Variants in CCDC178 observed in about 807,000 individuals in gnomAD.
The protein encoded by CCDC178 is coiled-coil domain containing 178.
CCDC178 carries 126 observed loss-of-function variants against 117.4 expected under a neutral mutation model. The observed-to-expected ratio is 1.07, with a 90% CI of 0.93 to 1.24. The LOEUF (loss-of-function observed/expected upper bound fraction) is 1.24. Ranked by LOEUF, CCDC178 falls within the 50% of genes most tolerant of loss-of-function variation. The probability of loss-of-function intolerance (pLI) is 0.00; values close to 1 mark genes in which losing one functional copy is unlikely to be tolerated. For missense variants in CCDC178, 1,030 were observed against 986.9 expected (o/e 1.04, Z -0.59); for synonymous variants, 283 against 313.4 (o/e 0.90, Z 1.02).
intron 22 of CCDC178, among the ~76,000 whole-genome samples, chr18:32,955,824 T>A (rs2054582465): frequency 6.6e-6 from 1 of 152,184 alleles, no homozygotes; most frequent in South Asian, 2.1e-4. Context: ...TTAGGTCAAC[T>A]GGAATTTGTA....
intron 12 of CCDC178, among the ~76,000 whole-genome samples, chr18:33,270,270 A>C (rs909400260): frequency 6.6e-6 from 1 of 151,784 alleles, no homozygotes; most frequent in East Asian, 1.9e-4. Flanking sequence ...CAATATACAT[A>C]CAAAAGTAAA....
chr18:33,375,044 T>C (rs369277759), intron 5 of CCDC178, among the ~76,000 whole-genome samples: 1 of 152,140 alleles, frequency 6.6e-6, no homozygotes, highest in Admixed American at 6.5e-5. Flanking sequence ...GTTAAATGGA[T>C]GTGTGTGTTT....
chr18:33,230,623 A>T (rs4600534), intron 15 of CCDC178, among the ~76,000 whole-genome samples: 24,672 of 151,926 alleles, frequency 0.16, 2,760 homozygotes, highest in African/African-American at 0.32. Flanking sequence ...GTTATTTTTT[A>T]AAAAAAATCT....
intron 14 of CCDC178, among the ~76,000 whole-genome samples, chr18:33,260,419 T>C (rs185940917): frequency 3.9e-3 from 583 of 151,294 alleles, no homozygotes; most frequent in Middle Eastern, 6.9e-3. Context: ...GCTTTTTCTA[T>C]AATTTTTAAT....
chr18:33,243,219 A>C (rs904566150), intron 15 of CCDC178, among the ~76,000 whole-genome samples: 4 of 151,910 alleles, frequency 2.6e-5, no homozygotes, highest in Admixed American at 1.3e-4. Context: ...ACAAAAGTAA[A>C]AAGTAGAACA....
chr18:33,317,283 G>T (rs896238627), intron 11 of CCDC178, among the ~76,000 whole-genome samples: 5 of 151,970 alleles, frequency 3.3e-5, no homozygotes, highest in Admixed American at 6.6e-5. Context: ...AACAACTCCA[G>T]ACGTGTGGCC....
intron 20 of CCDC178, among the ~76,000 whole-genome samples, chr18:33,130,843 CTG>C (rs995070175): frequency 1.3e-5 from 2 of 151,948 alleles, no homozygotes; most frequent in East Asian, 3.8e-4. Context: ...TCTAGACAAA[CTG>C]TGTATTTCCT....
At chr18:33,071,817 C>T (rs1227952792) in intron 21 of CCDC178, among the ~76,000 whole-genome samples, 3 of 152,058 alleles carry the variant, frequency 2.0e-5, no homozygotes, top group Non-Finnish European at 4.4e-5. Flanking sequence ...ATCATCCAGT[C>T]AACTGCTATT....
chr18:33,066,652 G>A (rs1438737159), intron 21 of CCDC178, among the ~76,000 whole-genome samples: 2 of 152,176 alleles, frequency 1.3e-5, no homozygotes, highest in African/African-American at 2.4e-5. Flanking sequence ...GTGAAGGGAT[G>A]GAAAAAGGTA....
At position 33,293,244 on chromosome 18, in the gene CCDC178, T is replaced by C. The variant is rs535152579; in HGVS notation, c.1091A>G (p.Asn364Ser). The C allele has an allele frequency of 4.5e-6, 7 of 1,567,054 alleles. No homozygotes were observed. In the South Asian group the frequency reaches 6.8e-5, roughly 15 times the overall value. ...CACTTCCTCTTCCTTCTCCTCAATATTAGTATTAACATTTATCACTGATGA... is the reference window on the plus strand; with the variant it reads ...CACTTCCTCTTCCTTCTCCTCAATACTAGTATTAACATTTATCACTGATGA... ...YSSSVINVNT[N>S]IEEKEEEVTE... The change falls in exon 12 of 23, where the codon AAT becomes AGT. Residue 364 changes from asparagine (N) to serine (S), a missense_variant. Physicochemically the swap from Asn to Ser is conservative, Grantham distance 46. Coordinates refer to ENST00000383096, the MANE Select transcript of CCDC178 (RefSeq NM_001105528.4).
intron 20 of CCDC178, among the ~76,000 whole-genome samples, chr18:33,103,064 T>G (rs1412115430): frequency 2.0e-5 from 3 of 151,812 alleles, no homozygotes; most frequent in Admixed American, 1.3e-4. Context: ...CGTGCTGTAT[T>G]AGTCCATTTA....
intron 21 of CCDC178, among the ~76,000 whole-genome samples, chr18:33,014,241 C>T (rs1002864193): frequency 1.3e-5 from 2 of 152,166 alleles, no homozygotes; most frequent in Non-Finnish European, 2.9e-5. Context: ...TGCCCAGAAA[C>T]TCCCTGGAAA....
At chr18:32,968,756 T>C (rs1199374313) in intron 22 of CCDC178, among the ~76,000 whole-genome samples, 1 of 152,064 alleles carries the variant, frequency 6.6e-6, no homozygotes, top group Non-Finnish European at 1.5e-5. Context: ...TCTAAATGTA[T>C]ATATATTAAA....
chr18:32,969,418 T>C (rs2054879826), intron 22 of CCDC178, among the ~76,000 whole-genome samples: 2 of 152,032 alleles, frequency 1.3e-5, no homozygotes, highest in Non-Finnish European at 2.9e-5. Flanking sequence ...AAGTGCACGC[T>C]TGGACAGAAA....
At chr18:33,184,464 G>C (rs1308730134) in intron 20 of CCDC178, among the ~76,000 whole-genome samples, 1 of 151,786 alleles carries the variant, frequency 6.6e-6, no homozygotes, top group Non-Finnish European at 1.5e-5. Flanking sequence ...AGTGAAGGCA[G>C]GACAAAAGAC....
intron 20 of CCDC178, chr18:33,135,996 T>C (rs1055176098): frequency 1.3e-5 from 2 of 152,186 alleles, no homozygotes; most frequent in African/African-American, 4.8e-5. Flanking sequence ...GACTGTTTTA[T>C]AAATCTAGCA....
intron 3 of CCDC178, among the ~76,000 whole-genome samples, chr18:33,402,235 A>T (rs2063717954): frequency 6.6e-6 from 1 of 152,230 alleles, no homozygotes; most frequent in Non-Finnish European, 1.5e-5. Flanking sequence ...AAAGATTTAA[A>T]AAGGCGAAAT....
intron 12 of CCDC178, among the ~76,000 whole-genome samples, chr18:33,290,369 A>G (rs1306623218): frequency 6.6e-6 from 1 of 152,190 alleles, no homozygotes; most frequent in Admixed American, 6.5e-5. Context: ...ATGAAGATGG[A>G]AGGGTTAATT....
intron 20 of CCDC178, among the ~76,000 whole-genome samples, chr18:33,100,269 C>T (rs560162747): frequency 1.8e-4 from 27 of 152,046 alleles, no homozygotes; most frequent in Non-Finnish European, 2.9e-4. Flanking sequence ...AGTTTACTAA[C>T]GGACATTATG....
Sources: allele counts gnomAD v4.1 joint callset (sites outside exome capture counted in the v4.1 genomes callset), GRCh38; gene constraint gnomAD v4.1.1; transcripts MANE v1.5; gene names NCBI Gene and HGNC (gene_info 2026-07-23, HGNC 2026-07-21).